Variants in PLAC9 observed in about 807,000 individuals in gnomAD.
PLAC9 encodes placenta associated 9, also known as placenta-specific protein 9.
A neutral mutation model predicts 11.5 loss-of-function variants in PLAC9; 12 were observed. The observed-to-expected ratio is 1.05, with a 90% CI of 0.67 to 1.69. The LOEUF (loss-of-function observed/expected upper bound fraction) is 1.69. Ranked by LOEUF, PLAC9 falls within the 40% of genes most tolerant of loss-of-function variation. The pLI is 0.00. For synonymous variants in PLAC9, 62 were observed against 58.1 expected, an observed-to-expected ratio of 1.07 and a Z score of -0.31; for missense variants, 132 against 130.5, an observed-to-expected ratio of 1.01 and a Z score of -0.06.
At chr10:80,144,377 G>C in intron 3 of PLAC9, 34 bp downstream of exon 3, 1 of 1,554,330 alleles carries the variant, frequency 6.4e-7, no homozygotes. Context: ...ACAGCCTCTG[G>C]GCGGCTGTCA....
intron 1 of PLAC9, among the ~76,000 whole-genome samples, chr10:80,137,875 AC>A (rs1844997721): frequency 6.6e-6 from 1 of 151,200 alleles, no homozygotes; most frequent in Non-Finnish European, 1.5e-5. Flanking sequence ...TGATTGTGCC[AC>A]TGCACTTCAG....
At chr10:80,141,584 G>T (rs1845040336) in intron 1 of PLAC9, among the ~76,000 whole-genome samples, 1 of 152,036 alleles carries the variant, frequency 6.6e-6, no homozygotes, top group Non-Finnish European at 1.5e-5. Flanking sequence ...GGGCGACAGA[G>T]CGAGACTCCA....
intron 1 of PLAC9, among the ~76,000 whole-genome samples, chr10:80,137,771 C>T (rs1844996755): frequency 2.0e-5 from 3 of 152,076 alleles, no homozygotes; most frequent in Admixed American, 2.0e-4. Context: ...AAAACGTAGC[C>T]AGGCATGGTA....
At chr10:80,132,935 A>G in intron 1 of PLAC9, 109 bp downstream of exon 1, 2 of 917,698 alleles carry the variant, frequency 2.2e-6, no homozygotes, top group Non-Finnish European at 3.0e-6. Context: ...CAGCAGCGAG[A>G]TGGACAGAGA....
Position 80,142,189 on chromosome 10 carries a change from T to C in PLAC9, c.162+10T>C. ...AGATGTCATGGAGGAGGTAACAGGG[T>C]GGTTTGGAAGGACATGCGAGTTCAG... On this transcript the variant is annotated intron_variant, in intron 2 of 3. Transcript: ENST00000372263. 1.3e-6 allele frequency: 2 copies of C among 1,596,118 alleles called. No homozygotes were observed. The highest frequency in any genetic ancestry group is 8.6e-7 in the Non-Finnish European group (1 of 1,166,230).
chr10:80,144,193 T>C (rs764383498), intron 2 of PLAC9, 30 bp from the exon 3 acceptor site: 1 of 1,613,912 alleles, frequency 6.2e-7, no homozygotes, highest in Non-Finnish European at 8.5e-7. Context: ...ACCACTTCTG[T>C]CCTCGACTTT....
At chr10:80,140,193 A>G (rs1486465441) in intron 1 of PLAC9, among the ~76,000 whole-genome samples, 1 of 151,578 alleles carries the variant, frequency 6.6e-6, no homozygotes, top group African/African-American at 2.4e-5. Context: ...CTCAGGCTGT[A>G]AGCATGATTG....
chr10:80,136,394 C>T (rs1261399954), intron 1 of PLAC9, among the ~76,000 whole-genome samples: 1 of 152,192 alleles, frequency 6.6e-6, no homozygotes, highest in Non-Finnish European at 1.5e-5. Flanking sequence ...TCATCATAAT[C>T]CTTCAGTCTT....
chr10:80,135,683 C>A (rs1844967843), intron 1 of PLAC9, among the ~76,000 whole-genome samples: 1 of 151,544 alleles, frequency 6.6e-6, no homozygotes. Flanking sequence ...ACCTTTATCC[C>A]TGATGGCTTT....
chr10:80,140,003 G>C (rs1048791431), intron 1 of PLAC9, among the ~76,000 whole-genome samples: 4 of 152,108 alleles, frequency 2.6e-5, no homozygotes, highest in Non-Finnish European at 5.9e-5. Flanking sequence ...AGAGTAAATA[G>C]AGGCCATCAG....
intron 1 of PLAC9, among the ~76,000 whole-genome samples, chr10:80,133,360 A>G (rs1844934832): frequency 6.6e-6 from 1 of 152,226 alleles, no homozygotes; most frequent in African/African-American, 2.4e-5. Context: ...GCTCCATCTC[A>G]GAGGGCCTGT....
At chr10:80,132,548 C>G (rs1397433763), upstream of PLAC9, 7 of 442,884 alleles carry the variant, frequency 1.6e-5, no homozygotes, top group Non-Finnish European at 4.0e-6. Flanking sequence ...CCAGGTGGCA[C>G]GTCGGTGCCT....
chr10:80,138,181 C>G (rs1488196002), intron 1 of PLAC9, among the ~76,000 whole-genome samples: 1 of 152,180 alleles, frequency 6.6e-6, no homozygotes, highest in Non-Finnish European at 1.5e-5. Flanking sequence ...CCCCCATTTG[C>G]TCATCACCCA....
At chr10:80,135,321 C>CTTTTT (rs139336508) in intron 1 of PLAC9, among the ~76,000 whole-genome samples, 2 of 67,338 alleles carry the variant, frequency 3.0e-5, no homozygotes, top group Non-Finnish European at 5.1e-5. Context: ...TGCGCCCGGC[C>CTTTTT]TTTTTTTTTT....
In PLAC9 at chr10:80,145,153, A is replaced by C. The variant is rs1589406854; in HGVS notation, c.*243A>C. The C allele has an allele frequency of 1.5e-6, 1 of 650,444 alleles. No individual in the cohort carries two copies. The allele number at this position is 650,444 out of a possible 1,614,324, so 40.3% of individuals were successfully genotyped here. On this transcript the variant is annotated 3_prime_UTR_variant, in exon 4 of 4. Coordinates refer to ENST00000372263, the MANE Select transcript of PLAC9 (RefSeq NM_001012973.3). ...ACCTGGGGACACCCCCACTCCTGTC[A>C]TTTATAGGGGCAGATGGAGCAGGGG...
Position 80,145,194 on chromosome 10 carries a change from G to A in PLAC9, c.*284G>A, listed in dbSNP as rs1249599735. On this transcript the variant is annotated 3_prime_UTR_variant, in exon 4 of 4. Transcript: ENST00000372263. ...GGAGCAGGGGTTGATTCACACAGAT[G>A]GGGGCCCTTTGAGTGGCCTTGCTTC... 7.0e-6 allele frequency: 4 copies of A among 570,664 alleles called. No individual in the cohort carries two copies. In the East Asian group the frequency reaches 9.5e-5, roughly 13 times the overall value. 35.4% of individuals were successfully genotyped at this position (570,664 alleles called of 1,614,324 possible).
chr10:80,144,205 C>T lies in PLAC9; in HGVS notation c.163-18C>T. The T allele has an allele frequency of 6.2e-7, 1 of 1,614,114 alleles. No homozygotes were observed. The highest frequency in any genetic ancestry group is 1.3e-5 in the African/African-American group (1 of 75,036). On this transcript the variant is annotated intron_variant, in intron 2 of 3. Transcript: ENST00000372263. ...GGAACCACTTCTGTCCTCGACTTTACCCCACTTCCCACTCTAGATGGTAGA... is the reference window on the plus strand; with the variant it reads ...GGAACCACTTCTGTCCTCGACTTTATCCCACTTCCCACTCTAGATGGTAGA...
chr10:80,137,384 G>T (rs1403846591), intron 1 of PLAC9, among the ~76,000 whole-genome samples: 1 of 152,208 alleles, frequency 6.6e-6, no homozygotes. Context: ...CATCCCCCTG[G>T]CCTGAGCCTT....
upstream of PLAC9, chr10:80,132,568 G>A: frequency 4.4e-6 from 2 of 453,854 alleles, no homozygotes; most frequent in South Asian, 7.9e-5. Flanking sequence ...TCAGCTCCCG[G>A]GGTCTCTGGG....
Sources: allele counts gnomAD v4.1 joint callset (sites outside exome capture counted in the v4.1 genomes callset), GRCh38; gene constraint gnomAD v4.1.1; transcripts MANE v1.5; gene names NCBI Gene and HGNC (gene_info 2026-07-23, HGNC 2026-07-21).